ATF6: variants seen among roughly 807,000 people sequenced by gnomAD.
ATF6 encodes the protein activating transcription factor 6, also known as cyclic AMP-dependent transcription factor ATF-6 alpha.
In ATF6, 53 loss-of-function variants were observed where a neutral mutation model predicts 83.6. The observed-to-expected ratio is 0.63, with a 90% CI of 0.51 to 0.80. ATF6 has a LOEUF of 0.80. ATF6 is among the 30% of genes least tolerant of loss of function. The pLI is 0.00. For missense variants in ATF6, 744 were observed against 797.9 expected (o/e 0.93, Z 0.81); for synonymous variants, 288 against 285.8 (o/e 1.01, Z -0.08).
At chr1:161,911,352 A>G (rs1476455037) in intron 14 of ATF6, among the ~76,000 whole-genome samples, 1 of 152,218 alleles carries the variant, frequency 6.6e-6, no homozygotes, top group African/African-American at 2.4e-5. Context: ...TGAAAACAGT[A>G]GTTAATATCA....
chr1:161,907,220 T>A (rs1431684010), intron 14 of ATF6, among the ~76,000 whole-genome samples: 1 of 152,212 alleles, frequency 6.6e-6, no homozygotes, highest in Non-Finnish European at 1.5e-5. Flanking sequence ...AGGGTTAATA[T>A]GTTCTTCAAC....
intron 14 of ATF6, among the ~76,000 whole-genome samples, chr1:161,900,419 C>T (rs1311888330): frequency 6.6e-6 from 1 of 152,070 alleles, no homozygotes; most frequent in African/African-American, 2.4e-5. Context: ...AAAGAGACCT[C>T]TTAGGAAGCA....
intron 15 of ATF6, among the ~76,000 whole-genome samples, chr1:161,919,636 A>G (rs904468072): frequency 1.3e-5 from 2 of 152,130 alleles, no homozygotes; most frequent in Admixed American, 6.5e-5. Flanking sequence ...ATGTTCATTG[A>G]TTTGTTTTTA....
In ATF6 at chr1:161,906,113, G is replaced by A. The variant is rs754151755; in HGVS notation, c.1720-6183G>A. On this transcript the variant is annotated intron_variant, in intron 14 of 15. Transcript: ENST00000367942. Reference sequence around the variant, plus strand: ...CTCCGAAAGTGCTGGGATTATAGGCGTGAGCCACTGCGCCTGGCCAACTCA... The same window carrying A: ...CTCCGAAAGTGCTGGGATTATAGGCATGAGCCACTGCGCCTGGCCAACTCA... 4.6e-5 allele frequency among the ~76,000 whole-genome samples: 7 copies of A among 152,282 alleles called. No individual in the cohort carries two copies. In the East Asian group the frequency reaches 7.7e-4, roughly 17 times the overall value.
At chr1:161,865,990 A>G (rs1037179887) in intron 14 of ATF6, among the ~76,000 whole-genome samples, 7 of 152,150 alleles carry the variant, frequency 4.6e-5, no homozygotes, top group Non-Finnish European at 1.0e-4. Flanking sequence ...CTTTCAATAT[A>G]AAATATTCTA....
chr1:161,958,696 C>A lies in ATF6; in HGVS notation c.*42C>A. On this transcript the variant is annotated 3_prime_UTR_variant, in exon 16 of 16. Transcript: ENST00000367942. ...TGGAAAACTGAGCGTGGGACCCTGC[C>A]AGACTGAAGAGCAGGTGAGCAAAAT... 1 of 1,523,002 alleles carries A rather than the reference C, an allele frequency of 6.6e-7. No individual in the cohort carries two copies. Among genetic ancestry groups the A allele is most frequent in the Non-Finnish European group, 8.9e-7 (1 of 1,125,398 alleles). 94.3% of individuals were successfully genotyped at this position (1,523,002 alleles called of 1,614,324 possible).
chr1:161,912,218 C>G, intron 14 of ATF6, 78 bp from the exon 15 acceptor site: 2 of 894,428 alleles, frequency 2.2e-6, no homozygotes, highest in Non-Finnish European at 3.3e-6. Context: ...ATATTGACCT[C>G]TTAGAAGCCC....
At chr1:161,855,971 A>G (rs1686749326) in intron 12 of ATF6, among the ~76,000 whole-genome samples, 1 of 152,220 alleles carries the variant, frequency 6.6e-6, no homozygotes, top group African/African-American at 2.4e-5. Context: ...GGTGATCCCT[A>G]TACATGGGAA....
intron 15 of ATF6, among the ~76,000 whole-genome samples, chr1:161,944,272 A>G (rs1688706490): frequency 6.6e-6 from 1 of 152,196 alleles, no homozygotes; most frequent in Non-Finnish European, 1.5e-5. Flanking sequence ...TAGAGGATGA[A>G]GAGCAGTCCT....
intron 9 of ATF6, among the ~76,000 whole-genome samples, chr1:161,823,333 T>C (rs1685808915): frequency 6.6e-6 from 1 of 150,960 alleles, no homozygotes; most frequent in Admixed American, 6.6e-5. Flanking sequence ...TGTAAAAATA[T>C]TTTTTTTGGG....
At chr1:161,924,936 G>T (rs1295995759) in intron 15 of ATF6, among the ~76,000 whole-genome samples, 1 of 152,164 alleles carries the variant, frequency 6.6e-6, no homozygotes, top group African/African-American at 2.4e-5. Context: ...TTGCTCTGTG[G>T]CCAACCAGTT....
chr1:161,833,130 T>C (rs1686113460), intron 9 of ATF6, among the ~76,000 whole-genome samples: 2 of 152,228 alleles, frequency 1.3e-5, no homozygotes, highest in African/African-American at 4.8e-5. Flanking sequence ...CCGCTGCTGA[T>C]ACCCAGGCAA....
rs767869777 is a variant in ATF6, at chr1:161,792,234, C to G, written c.595C>G (p.Pro199Ala). The change falls in exon 6 of 16, where the codon CCA becomes GCA. Residue 199 changes from proline to alanine, a missense_variant. By Grantham distance (27) the Pro-to-Ala change is conservative. Transcript: ENST00000367942. ...APKTQTNSSV[P>A]AKTIIIQTVP... The stretch of plus-strand genomic sequence containing the variant: ...CAAGACTCAAACAAACTCCAGTGTT[C>G]CAGCAAAAACCATCATTATTCAGAC... 2 of 1,614,020 alleles carry G rather than the reference C, an allele frequency of 1.2e-6. No homozygotes were observed. The highest frequency in any genetic ancestry group is 1.1e-5 in the South Asian group (1 of 91,086).
intron 15 of ATF6, among the ~76,000 whole-genome samples, chr1:161,955,877 G>A (rs1688957124): frequency 6.6e-6 from 1 of 152,104 alleles, no homozygotes; most frequent in Non-Finnish European, 1.5e-5. Flanking sequence ...AAGAGTGTGA[G>A]GAAGAGATCC....
At chr1:161,913,652 T>C (rs1688035546) in intron 15 of ATF6, among the ~76,000 whole-genome samples, 1 of 152,176 alleles carries the variant, frequency 6.6e-6, no homozygotes, top group African/African-American at 2.4e-5. Context: ...GACATACCTT[T>C]GAAGTTACTC....
intron 14 of ATF6, among the ~76,000 whole-genome samples, chr1:161,903,352 G>A (rs770060381): frequency 7.9e-5 from 12 of 152,140 alleles, no homozygotes; most frequent in Non-Finnish European, 1.6e-4. Flanking sequence ...ATAAACACAA[G>A]TGAGATCATG....
chr1:161,893,332 A>C (rs1687598421), intron 14 of ATF6, among the ~76,000 whole-genome samples: 1 of 151,584 alleles, frequency 6.6e-6, no homozygotes, highest in Admixed American at 6.6e-5. Context: ...ATGCCCAGCT[A>C]ATTTTGTATT....
intron 7 of ATF6, among the ~76,000 whole-genome samples, chr1:161,810,839 A>C (rs1020606244): frequency 6.6e-6 from 1 of 152,054 alleles, no homozygotes; most frequent in African/African-American, 2.4e-5. Context: ...CAGACATTTC[A>C]TATGAGTGGA....
chr1:161,781,404 A>G (rs1435986051), intron 2 of ATF6, among the ~76,000 whole-genome samples: 3 of 152,330 alleles, frequency 2.0e-5, no homozygotes, highest in Admixed American at 6.5e-5. Context: ...TAAAAGTTTT[A>G]GAAATTTAGG....
Sources: gnomAD v4.1 joint callset for allele counts (sites outside exome capture counted in the v4.1 genomes callset) on GRCh38, gnomAD v4.1.1 for gene constraint, MANE v1.5 for transcripts, NCBI Gene and HGNC (gene_info 2026-07-23, HGNC 2026-07-21) for gene names.